Variants in ARHGAP26 observed in about 807,000 individuals in gnomAD.
ARHGAP26 encodes the protein rho GTPase-activating protein 26.
ARHGAP26 carries 38 observed loss-of-function variants against 104.8 expected under a neutral mutation model. The ratio of observed to expected loss-of-function variants is 0.36; its 90% confidence interval spans 0.28 to 0.48. The LOEUF (loss-of-function observed/expected upper bound fraction) is 0.48, where lower values mean the gene tolerates loss of function less well. ARHGAP26 is among the 20% of genes least tolerant of loss of function. The probability of loss-of-function intolerance (pLI) is 0.99; values close to 1 mark genes in which losing one functional copy is unlikely to be tolerated. For missense variants in ARHGAP26, 704 were observed against 947.9 expected (o/e 0.74, Z 3.38); for synonymous variants, 341 against 340.0 (o/e 1.00, Z -0.03).
intron 11 of ARHGAP26, among the ~76,000 whole-genome samples, chr5:143,012,576 T>TATACATATATA (rs1554195628): frequency 5.3e-5 from 3 of 57,032 alleles, no homozygotes; most frequent in African/African-American, 9.1e-5. Context: ...TATATATATA[T>TATACATATATA]TATGATCAGG....
At chr5:142,844,949 A>G (rs573802965) in intron 1 of ARHGAP26, among the ~76,000 whole-genome samples, 37 of 152,094 alleles carry the variant, frequency 2.4e-4, no homozygotes, top group African/African-American at 6.5e-4. Context: ...TGCCTGCTGA[A>G]CTTAACTGAG....
chr5:143,018,220 G>A (rs1398940442), intron 12 of ARHGAP26, among the ~76,000 whole-genome samples: 3 of 152,080 alleles, frequency 2.0e-5, no homozygotes, highest in African/African-American at 7.2e-5. Flanking sequence ...TATGTAAAAA[G>A]TTCCTACTGA....
chr5:143,213,571 C>T (rs1809850848), intron 21 of ARHGAP26, among the ~76,000 whole-genome samples: 1 of 152,192 alleles, frequency 6.6e-6, no homozygotes. Flanking sequence ...TTTTGACTCA[C>T]TGAGCATTGC....
At chr5:142,793,945 C>T (rs1365673786) in intron 1 of ARHGAP26, among the ~76,000 whole-genome samples, 2 of 152,146 alleles carry the variant, frequency 1.3e-5, no homozygotes, top group African/African-American at 4.8e-5. Flanking sequence ...CCACACCAAA[C>T]GGTATTTTCC....
At chr5:143,025,314 C>T (rs1780893720) in intron 12 of ARHGAP26, among the ~76,000 whole-genome samples, 1 of 152,222 alleles carries the variant, frequency 6.6e-6, no homozygotes, top group African/African-American at 2.4e-5. Context: ...TGAATGCCCT[C>T]TCTTTCCCTG....
intron 1 of ARHGAP26, among the ~76,000 whole-genome samples, chr5:142,812,108 CT>C (rs989207972): frequency 1.1e-4 from 16 of 152,120 alleles, no homozygotes; most frequent in Non-Finnish European, 2.2e-4. Flanking sequence ...CGTCTACTGC[CT>C]TTTCCCCCCA....
rs116404063 is a variant in ARHGAP26, at chr5:142,811,997, A to T, written c.154+41082A>T. Among the ~76,000 whole-genome samples the T allele has an allele frequency of 5.9e-3, 901 of 152,260 alleles. 14 individuals are homozygous for T. The highest frequency in any genetic ancestry group is 0.02 in the African/African-American group (829 of 41,542). ...GAACTCCTGGTCACCTCCTGAAATA[A>T]GCTTACTCATCACCTAGCTGCTGTG... On this transcript the variant is annotated intron_variant, in intron 1 of 22. Transcript: ENST00000645722.
chr5:142,974,113 C>T (rs535188600), intron 11 of ARHGAP26, among the ~76,000 whole-genome samples: 2 of 151,904 alleles, frequency 1.3e-5, no homozygotes, highest in Non-Finnish European at 2.9e-5. Context: ...TGCTTCATAT[C>T]CTGCTTGCTT....
At chr5:142,862,327 C>T (rs908728832) in intron 1 of ARHGAP26, among the ~76,000 whole-genome samples, 14 of 152,190 alleles carry the variant, frequency 9.2e-5, no homozygotes, top group African/African-American at 2.7e-4. Flanking sequence ...GTTCTAACTC[C>T]AGTCAGAAAA....
At chr5:143,088,978 T>C (rs1246642142) in intron 17 of ARHGAP26, among the ~76,000 whole-genome samples, 1 of 150,866 alleles carries the variant, frequency 6.6e-6, no homozygotes, top group Non-Finnish European at 1.5e-5. Context: ...TAGGGTGGAG[T>C]AGGTAATCGG....
chr5:143,169,488 G>C (rs1298746930), intron 20 of ARHGAP26: 1 of 152,204 alleles, frequency 6.6e-6, no homozygotes, highest in Non-Finnish European at 1.5e-5. Flanking sequence ...GTTACCACCA[G>C]CTGGACTTAC....
intron 1 of ARHGAP26, chr5:142,859,830 TAACATG>T (rs1007300960): frequency 6.6e-6 from 1 of 152,268 alleles, no homozygotes; most frequent in African/African-American, 2.4e-5. Context: ...TCCAGGGAAA[TAACATG>T]AGGAAGAAGG....
chr5:142,801,151 A>AT (rs986926253), intron 1 of ARHGAP26, among the ~76,000 whole-genome samples: 11 of 151,718 alleles, frequency 7.3e-5, no homozygotes, highest in East Asian at 1.9e-4. Context: ...TCTTTTTAAC[A>AT]TTTTTTCTGG....
chr5:142,966,336 A>T (rs1223024239), intron 11 of ARHGAP26, among the ~76,000 whole-genome samples: 3 of 151,952 alleles, frequency 2.0e-5, no homozygotes, highest in Non-Finnish European at 2.9e-5. Flanking sequence ...ACTTTGTATT[A>T]TTTTTTTTAA....
chr5:142,870,985 A>C (rs1423806771), intron 1 of ARHGAP26, among the ~76,000 whole-genome samples: 1 of 152,192 alleles, frequency 6.6e-6, no homozygotes, highest in Non-Finnish European at 1.5e-5. Context: ...GTACTGAAAA[A>C]TTCCTCTATC....
At chr5:143,198,295 A>G (rs866312259) in intron 20 of ARHGAP26, among the ~76,000 whole-genome samples, 1 of 152,346 alleles carries the variant, frequency 6.6e-6, no homozygotes. Context: ...TTGTTACCAT[A>G]TGAACACTTT....
intron 1 of ARHGAP26, among the ~76,000 whole-genome samples, chr5:142,828,019 G>A (rs1767633820): frequency 6.6e-6 from 1 of 152,178 alleles, no homozygotes; most frequent in South Asian, 2.1e-4. Flanking sequence ...AGTAGGACTA[G>A]TAGATGGTTC....
At chr5:142,772,617 A>G in intron 1 of ARHGAP26, 1 of 430,998 alleles carries the variant, frequency 2.3e-6, no homozygotes, top group Non-Finnish European at 4.6e-6. Flanking sequence ...ATGTGCTTAG[A>G]TTCATTCTGC....
At chr5:143,111,976 G>A (rs375124957) in intron 17 of ARHGAP26, among the ~76,000 whole-genome samples, 8,109 of 152,198 alleles carry the variant, frequency 0.053, 300 homozygotes, top group Non-Finnish European at 0.078. Context: ...TTAGAAGAAG[G>A]TGGCCTCCCA....
Sources: gnomAD v4.1 joint callset for allele counts (sites outside exome capture counted in the v4.1 genomes callset) on GRCh38, gnomAD v4.1.1 for gene constraint, MANE v1.5 for transcripts, NCBI Gene and HGNC (gene_info 2026-07-23, HGNC 2026-07-21) for gene names.